LYRM1: variants seen among roughly 807,000 people sequenced by gnomAD.
LYRM1 encodes LYR motif-containing protein 1.
LYRM1 carries 14 observed loss-of-function variants against 14.9 expected under a neutral mutation model. That is an observed-to-expected ratio of 0.94 (90% confidence interval 0.62 to 1.47). LYRM1 has a LOEUF of 1.47. LYRM1 is among the 40% of genes most tolerant of loss of function. LYRM1 has a pLI of 0.00. For missense variants in LYRM1, 153 were observed against 149.9 expected (o/e 1.02, Z -0.11); for synonymous variants, 43 against 56.2 (o/e 0.77, Z 1.05).
At chr16:20,922,781 C>G (rs1435079874) in intron 3 of LYRM1, among the ~76,000 whole-genome samples, 1 of 152,148 alleles carries the variant, frequency 6.6e-6, no homozygotes, top group African/African-American at 2.4e-5. Context: ...AGCCACTGTG[C>G]CCGGCTGAAA....
At chr16:20,920,302 T>C in intron 3 of LYRM1, 88 bp downstream of exon 3, 1 of 997,116 alleles carries the variant, frequency 1.0e-6, no homozygotes, top group Non-Finnish European at 1.6e-6. Flanking sequence ...GGGCGAGTGC[T>C]TGCTGAGAAG....
At chr16:20,923,429 G>A (rs1168494333) in intron 3 of LYRM1, among the ~76,000 whole-genome samples, 2 of 150,156 alleles carry the variant, frequency 1.3e-5, no homozygotes, top group African/African-American at 4.9e-5. Context: ...AACCTGGGAG[G>A]CCGAGGTTGC....
chr16:20,924,087 T>G lies in LYRM1; in HGVS notation c.340T>G (p.Tyr114Asp). Reference sequence around the variant, plus strand: ...ACTGAGGAAACTTTCCAAACCAGTATATCTCAGATCTCATGATGAAGTTTC... The same window carrying G: ...ACTGAGGAAACTTTCCAAACCAGTAGATCTCAGATCTCATGATGAAGTTTC... ...EKLRKLSKPV[Y>D]LRSHDEVS The change falls in exon 4 of 4, where the codon TAT becomes GAT. Residue 114 changes from tyrosine to aspartate, a missense_variant. Transcript: ENST00000567954. 1 of 1,609,132 alleles carries G rather than the reference T, an allele frequency of 6.2e-7. No individual in the cohort carries two copies. Among genetic ancestry groups the G allele is most frequent in the Non-Finnish European group, 8.5e-7 (1 of 1,176,212 alleles).
At chr16:20,908,039 G>A (rs941066093) in intron 1 of LYRM1, among the ~76,000 whole-genome samples, 5 of 152,164 alleles carry the variant, frequency 3.3e-5, no homozygotes. Flanking sequence ...TGGATCCTTG[G>A]AAGGGAAGAG....
chr16:20,914,222 C>G (rs975066284), intron 1 of LYRM1, among the ~76,000 whole-genome samples: 21 of 151,146 alleles, frequency 1.4e-4, no homozygotes, highest in Non-Finnish European at 2.9e-4. Context: ...AACCTGACAA[C>G]CTCTGGGTGG....
chr16:20,907,161 T>C (rs1369061676), intron 1 of LYRM1, among the ~76,000 whole-genome samples: 1 of 148,282 alleles, frequency 6.7e-6, no homozygotes, highest in East Asian at 1.9e-4. Flanking sequence ...GTAGTTATGA[T>C]ATACAGTAGT....
chr16:20,905,640 A>G (rs2082281616), intron 1 of LYRM1, among the ~76,000 whole-genome samples: 1 of 152,218 alleles, frequency 6.6e-6, no homozygotes, highest in Non-Finnish European at 1.5e-5. Context: ...AAAGTATCAG[A>G]ACCCCATTCT....
chr16:20,910,516 C>T (rs915139702), intron 1 of LYRM1, among the ~76,000 whole-genome samples: 3 of 152,172 alleles, frequency 2.0e-5, no homozygotes, highest in Non-Finnish European at 4.4e-5. Context: ...AACCTAATTG[C>T]AGGGCTTGTG....
chr16:20,916,424 G>A (rs150572028), intron 2 of LYRM1, among the ~76,000 whole-genome samples: 1 of 152,134 alleles, frequency 6.6e-6, no homozygotes, highest in Non-Finnish European at 1.5e-5. Flanking sequence ...TGATCTAATG[G>A]ATTCAGCGCG....
intron 2 of LYRM1, among the ~76,000 whole-genome samples, chr16:20,919,848 T>G (rs1047113725): frequency 1.3e-5 from 2 of 152,226 alleles, no homozygotes; most frequent in South Asian, 4.1e-4. Context: ...AACTGCTAAT[T>G]GTTGTCTCCG....
intron 1 of LYRM1, among the ~76,000 whole-genome samples, chr16:20,907,535 A>G (rs2082383873): frequency 6.6e-6 from 1 of 150,774 alleles, no homozygotes. Flanking sequence ...TAATGTTTTT[A>G]TTTTTCAATG....
chr16:20,903,696 A>G (rs917533282), intron 1 of LYRM1, among the ~76,000 whole-genome samples: 50 of 152,050 alleles, frequency 3.3e-4, no homozygotes, highest in African/African-American at 1.1e-3. Context: ...CAGATGGGAA[A>G]GTTGCGCATT....
chr16:20,905,634 T>C (rs1383662811), intron 1 of LYRM1, among the ~76,000 whole-genome samples: 1 of 152,200 alleles, frequency 6.6e-6, no homozygotes, highest in Non-Finnish European at 1.5e-5. Context: ...AGGAAAAAAG[T>C]ATCAGAACCC....
intron 3 of LYRM1, among the ~76,000 whole-genome samples, chr16:20,923,420 AC>A (rs1453923287): frequency 6.7e-6 from 1 of 149,342 alleles, no homozygotes; most frequent in East Asian, 1.9e-4. Context: ...AATCACTTGA[AC>A]CTGGGAGGCC....
chr16:20,913,733 T>C (rs2082719982), intron 1 of LYRM1, among the ~76,000 whole-genome samples: 1 of 152,188 alleles, frequency 6.6e-6, no homozygotes, highest in African/African-American at 2.4e-5. Context: ...CTTGGCCACA[T>C]CTTCTGAAAT....
chr16:20,908,619 T>C (rs1567447325), intron 1 of LYRM1, among the ~76,000 whole-genome samples: 1 of 152,256 alleles, frequency 6.6e-6, no homozygotes, highest in Non-Finnish European at 1.5e-5. Flanking sequence ...AAAGCAAATG[T>C]AACTTTTAAT....
chr16:20,908,282 A>C (rs1366770164), intron 1 of LYRM1, among the ~76,000 whole-genome samples: 1 of 152,238 alleles, frequency 6.6e-6, no homozygotes, highest in African/African-American at 2.4e-5. Flanking sequence ...AATTCACATC[A>C]ATGTGCAAAA....
At chr16:20,921,784 C>T (rs1285301014) in intron 3 of LYRM1, 2 of 150,922 alleles carry the variant, frequency 1.3e-5, no homozygotes, top group Non-Finnish European at 2.9e-5. Flanking sequence ...GGAAAATTGC[C>T]AATATTCAAC....
Position 20,920,205 on chromosome 16 carries a change from C to T in LYRM1, c.243C>T (p.Tyr81=), listed in dbSNP as rs756619399. 1.9e-6 allele frequency: 3 copies of T among 1,612,348 alleles called. No homozygotes were observed. The highest frequency in any genetic ancestry group is 1.3e-5 in the African/African-American group (1 of 74,872). Reference sequence around the variant, plus strand: ...TTGGACTGCATTACAAGATTCCTTACCCAAGGCCAGTAAGTGTGACTCCGG... The same window carrying T: ...TTGGACTGCATTACAAGATTCCTTATCCAAGGCCAGTAAGTGTGACTCCGG... ...IEIGLHYKIP[Y]PRPIHLPPMG... The change falls in exon 3 of 4, where the codon TAC becomes TAT. Residue 81 remains tyrosine, a synonymous_variant. Transcript: ENST00000567954.
Sources: allele counts gnomAD v4.1 joint callset (sites outside exome capture counted in the v4.1 genomes callset), GRCh38; gene constraint gnomAD v4.1.1; transcripts MANE v1.5; gene names NCBI Gene and HGNC (gene_info 2026-07-23, HGNC 2026-07-21).